Variants in ZBBX observed in about 807,000 individuals in gnomAD.
The protein encoded by ZBBX is zinc finger B-box domain-containing protein 1.
A neutral mutation model predicts 108.5 loss-of-function variants in ZBBX; 101 were observed. The ratio of observed to expected loss-of-function variants is 0.93; its 90% CI spans 0.79 to 1.10. ZBBX has a LOEUF of 1.10. Ranked by LOEUF, ZBBX falls within the 50% of genes least tolerant of loss-of-function variation. The pLI is 0.00. For synonymous variants in ZBBX, 356 were observed against 323.4 expected (o/e 1.10, Z -1.08); for missense variants, 1,009 against 941.4 (o/e 1.07, Z -0.94).
At chr3:167,325,305 T>A (rs1162181806) in intron 11 of ZBBX, among the ~76,000 whole-genome samples, 1 of 152,096 alleles carries the variant, frequency 6.6e-6, no homozygotes, top group Non-Finnish European at 1.5e-5. Context: ...GGAGGCCTCA[T>A]AATCATGACA....
chr3:167,401,480 C>A (rs997339422), intron 1 of ZBBX: 6 of 152,094 alleles, frequency 3.9e-5, no homozygotes, highest in African/African-American at 1.4e-4. Context: ...AGACAGCAGC[C>A]CGGAAGGCTG....
chr3:167,368,608 AAAAC>A (rs1358049458), intron 4 of ZBBX, 34 bp from the exon 5 acceptor site: 12 of 1,492,936 alleles, frequency 8.0e-6, no homozygotes, highest in Middle Eastern at 1.8e-4. Context: ...AGAAAGCAGA[AAAAC>A]AAGCGAAGCC....
chr3:167,367,268 T>C (rs11921370), intron 5 of ZBBX, among the ~76,000 whole-genome samples: 10,793 of 151,892 alleles, frequency 0.071, 461 homozygotes, highest in Admixed American at 0.11. Flanking sequence ...TCTATCACAA[T>C]GTAAAATGCA....
chr3:167,321,367 C>G (rs1736419041), intron 12 of ZBBX, among the ~76,000 whole-genome samples: 1 of 151,896 alleles, frequency 6.6e-6, no homozygotes, highest in Non-Finnish European at 1.5e-5. Context: ...GAATTAGAAC[C>G]AAGTTTAGAA....
chr3:167,204,012 T>A, the ZBBX span, among the ~76,000 whole-genome samples: 2 of 152,072 alleles, frequency 1.3e-5, no homozygotes, highest in African/African-American at 4.8e-5. Flanking sequence ...CTAAAATATC[T>A]CATAGCTGTT....
chr3:167,387,277 G>C (rs925303531), intron 1 of ZBBX, among the ~76,000 whole-genome samples: 1 of 151,996 alleles, frequency 6.6e-6, no homozygotes, highest in African/African-American at 2.4e-5. Flanking sequence ...TTCTGTACTT[G>C]TGAAAAATAT....
chr3:167,215,268 T>C, the ZBBX span, among the ~76,000 whole-genome samples: 5 of 151,786 alleles, frequency 3.3e-5, no homozygotes, highest in African/African-American at 9.7e-5. Flanking sequence ...AAGATCCAAA[T>C]AAACACAATT....
chr3:167,306,841 A>G (rs1733728538), intron 16 of ZBBX, among the ~76,000 whole-genome samples: 2 of 152,186 alleles, frequency 1.3e-5, no homozygotes, highest in South Asian at 4.1e-4. Context: ...TCTGTTCCAA[A>G]GACAAATATC....
At chr3:167,342,364 C>G (rs1253948564) in intron 9 of ZBBX, among the ~76,000 whole-genome samples, 2 of 151,846 alleles carry the variant, frequency 1.3e-5, no homozygotes, top group East Asian at 1.9e-4. Context: ...ATGGTCCCCT[C>G]CAAAATTGAG....
At chr3:167,400,482 TG>T (rs1748392068) in intron 1 of ZBBX, among the ~76,000 whole-genome samples, 1 of 152,154 alleles carries the variant, frequency 6.6e-6, no homozygotes, top group African/African-American at 2.4e-5. Flanking sequence ...TTTCATATGC[TG>T]GTTGGCCACT....
chr3:167,358,253 C>T (rs1743919113), intron 8 of ZBBX, among the ~76,000 whole-genome samples: 1 of 151,716 alleles, frequency 6.6e-6, no homozygotes, highest in Admixed American at 6.6e-5. Flanking sequence ...CTTGAGGATA[C>T]TATGCTAAGC....
chr3:167,282,078 C>T (rs1030064980), intron 20 of ZBBX, among the ~76,000 whole-genome samples, 160 bp downstream of exon 20: 2 of 151,906 alleles, frequency 1.3e-5, no homozygotes, highest in African/African-American at 4.8e-5. Context: ...AGAGTGATAT[C>T]GGGGATTTCC....
rs1731607387 is a variant in ZBBX, at chr3:167,295,810, G to T, written c.1879+2495C>A. Among the ~76,000 whole-genome samples the T allele has an allele frequency of 3.8e-5, 5 of 132,192 alleles. No homozygotes were observed. The Admixed American group carries it at 4.2e-4, about 11-fold the overall frequency. 86.7% of individuals were successfully genotyped at this position (132,192 alleles called of 152,430 possible). ...CTGTTAACAAAAATTTGCCAATAAT[G>T]AAAAGTCCTGGACCTAATTGCATTA... On this transcript the variant is annotated intron_variant, in intron 18 of 21. Transcript: ENST00000675490.
upstream of ZBBX, among the ~76,000 whole-genome samples, chr3:167,385,127 G>A (rs576488686): frequency 1.6e-4 from 24 of 152,088 alleles, no homozygotes; most frequent in African/African-American, 4.6e-4. Flanking sequence ...TAAGAAATAT[G>A]TGATTAGGTT....
chr3:167,283,892 C>T (rs1341648818), intron 19 of ZBBX, among the ~76,000 whole-genome samples: 2 of 152,080 alleles, frequency 1.3e-5, no homozygotes, highest in African/African-American at 2.4e-5. Flanking sequence ...CCGCCTGCCT[C>T]AGCCTACCAA....
At chr3:167,362,477 C>A (rs576897323) in intron 6 of ZBBX, among the ~76,000 whole-genome samples, 1 of 152,280 alleles carries the variant, frequency 6.6e-6, no homozygotes, top group East Asian at 1.9e-4. Flanking sequence ...ACTTCTCCTA[C>A]AGTCATCTTT....
rs1399287603 is a variant in ZBBX, at chr3:167,282,414, G to C, written c.2078C>G (p.Ser693Cys). The C allele has an allele frequency of 2.0e-5, 33 of 1,614,136 alleles. No homozygotes were observed. Among genetic ancestry groups the C allele is most frequent in the Non-Finnish European group, 2.6e-5 (31 of 1,179,996 alleles). Residue 693 changes from serine (S) to cysteine (C), a missense_variant, in exon 20 of 22, where the codon TCT becomes TGT. Ser to Cys is a moderately radical substitution (Grantham distance 112, BLOSUM62 -1). Coordinates refer to ENST00000675490, the MANE Select transcript of ZBBX (RefSeq NM_001199201.2). Reference protein sequence around the residue: ...VKESSSCLSSSHPRSRSAAAQ... With the variant: ...VKESSSCLSSCHPRSRSAAAQ... ...AGCTGCACTTCTTGATCGAGGATGA[G>C]AGGATGAAAGGCAACTGGAGCTTTC...
chr3:167,346,014 A>G (rs1313835473), intron 9 of ZBBX, among the ~76,000 whole-genome samples: 1 of 151,944 alleles, frequency 6.6e-6, no homozygotes, highest in African/African-American at 2.4e-5. Flanking sequence ...CTTCACAAAT[A>G]GAATGCTTTT....
At chr3:167,242,435 A>T in intron 21 of ZBBX, 70 bp downstream of exon 21, 6 of 1,287,392 alleles carry the variant, frequency 4.7e-6, no homozygotes, top group Non-Finnish European at 6.3e-6. Flanking sequence ...TATAATAAAG[A>T]TAACTAGTTG....
Sources: allele counts gnomAD v4.1 joint callset (sites outside exome capture counted in the v4.1 genomes callset), GRCh38; gene constraint gnomAD v4.1.1; transcripts MANE v1.5; gene names NCBI Gene and HGNC (gene_info 2026-07-23, HGNC 2026-07-21).